DOCK3: variants seen among roughly 807,000 people sequenced by gnomAD.
DOCK3 encodes dedicator of cytokinesis 3, also known as dedicator of cytokinesis protein 3.
In DOCK3, 60 loss-of-function variants were observed where a neutral mutation model predicts 265.6. The observed-to-expected ratio is 0.23, with a 90% CI of 0.18 to 0.28. The LOEUF is 0.28. Among genes scored for constraint, DOCK3 ranks in the 10% least tolerant of loss-of-function variants. The probability of loss-of-function intolerance (pLI) is 1.00; values close to 1 mark genes in which losing one functional copy is unlikely to be tolerated. For missense variants in DOCK3, 1,981 were observed against 2,594.3 expected (o/e 0.76, Z 5.14); for synonymous variants, 881 against 938.0 (o/e 0.94, Z 1.11).
intron 49 of DOCK3, among the ~76,000 whole-genome samples, chr3:51,368,445 CCT>C (rs2087419705): frequency 6.6e-6 from 1 of 152,218 alleles, no homozygotes; most frequent in Non-Finnish European, 1.5e-5. Flanking sequence ...ACCCATGGAG[CCT>C]CTCTCACTGC....
chr3:51,278,741 A>G (rs2080955043), intron 26 of DOCK3, among the ~76,000 whole-genome samples: 1 of 152,184 alleles, frequency 6.6e-6, no homozygotes, highest in Non-Finnish European at 1.5e-5. Flanking sequence ...CTCATTTAGC[A>G]ATACTAAGGA....
chr3:51,055,544 A>G (rs2081164852), intron 5 of DOCK3, among the ~76,000 whole-genome samples: 2 of 152,208 alleles, frequency 1.3e-5, no homozygotes, highest in African/African-American at 2.4e-5. Flanking sequence ...AGAGATGCCT[A>G]TGGACACATC....
At chr3:51,159,763 A>G (rs1172020476) in intron 11 of DOCK3, among the ~76,000 whole-genome samples, 1 of 152,128 alleles carries the variant, frequency 6.6e-6, no homozygotes, top group East Asian at 1.9e-4. Context: ...CAGAAGATGG[A>G]TGACATTTCA....
intron 5 of DOCK3, among the ~76,000 whole-genome samples, chr3:50,995,445 G>A (rs2078246567): frequency 6.6e-6 from 1 of 152,216 alleles, no homozygotes; most frequent in Non-Finnish European, 1.5e-5. Flanking sequence ...GCGATTATTT[G>A]TTGAGCTCCT....
chr3:50,798,180 T>C (rs2042892259), intron 2 of DOCK3, among the ~76,000 whole-genome samples: 1 of 152,170 alleles, frequency 6.6e-6, no homozygotes, highest in South Asian at 2.1e-4. Flanking sequence ...TTAACAATGC[T>C]GGAAAAACCA....
At chr3:51,138,385 C>T (rs1372491346) in intron 9 of DOCK3, among the ~76,000 whole-genome samples, 1 of 151,940 alleles carries the variant, frequency 6.6e-6, no homozygotes, top group East Asian at 1.9e-4. Context: ...TGCCCAAAGG[C>T]CTCTGAAGTG....
In DOCK3 at chr3:50,982,924, G is replaced by A. The variant is rs116470885; in HGVS notation, c.315+48847G>A. Among the ~76,000 whole-genome samples, 1,000 of 152,248 alleles carry A rather than the reference G, an allele frequency of 6.6e-3. 6 individuals carry two copies. The highest frequency in any genetic ancestry group is 0.022 in the African/African-American group (935 of 41,556). ...CCACTTTCCCAGGTGCAGGACCTGGGCATCTCTGCACTCTTGGGCACCTGG... is the reference window on the plus strand; with the variant it reads ...CCACTTTCCCAGGTGCAGGACCTGGACATCTCTGCACTCTTGGGCACCTGG... On this transcript the variant is annotated intron_variant, in intron 5 of 52. Coordinates refer to ENST00000266037, the MANE Select transcript of DOCK3 (RefSeq NM_004947.5).
At chr3:51,162,414 A>C (rs555936405) in intron 12 of DOCK3, among the ~76,000 whole-genome samples, 1 of 152,172 alleles carries the variant, frequency 6.6e-6, no homozygotes, top group African/African-American at 2.4e-5. Context: ...CATAACTTAC[A>C]AAGAAAATTT....
intron 7 of DOCK3, 35 bp from the exon 8 acceptor site, chr3:51,089,208 C>A: frequency 6.3e-7 from 1 of 1,579,710 alleles, no homozygotes; most frequent in Non-Finnish European, 8.6e-7. Flanking sequence ...GTTTCTTTCC[C>A]GGTAGAGTTT....
chr3:51,084,618 G>A (rs544335673), intron 7 of DOCK3, among the ~76,000 whole-genome samples: 19 of 152,216 alleles, frequency 1.2e-4, no homozygotes, highest in South Asian at 4.1e-4. Flanking sequence ...ATCTGGAAGC[G>A]AAAGGACAAT....
intron 47 of DOCK3, 88 bp downstream of exon 47, chr3:51,360,720 A>C: frequency 9.4e-5 from 145 of 1,544,022 alleles, no homozygotes; most frequent in Non-Finnish European, 1.2e-4. Flanking sequence ...ATGTATACTC[A>C]TATTCCCTCT....
intron 1 of DOCK3, among the ~76,000 whole-genome samples, chr3:50,766,540 G>A (rs1269504544): frequency 1.3e-5 from 2 of 152,002 alleles, no homozygotes; most frequent in African/African-American, 4.8e-5. Context: ...CATTTTGGTT[G>A]GTTCCAAGTC....
At chr3:50,828,850 A>T (rs968249650) in intron 2 of DOCK3, among the ~76,000 whole-genome samples, 2 of 152,050 alleles carry the variant, frequency 1.3e-5, no homozygotes, top group Non-Finnish European at 2.9e-5. Flanking sequence ...AGTAGGTGGG[A>T]TTACAGGCAT....
At chr3:50,951,149 A>C (rs373754877) in intron 5 of DOCK3, among the ~76,000 whole-genome samples, 2 of 152,326 alleles carry the variant, frequency 1.3e-5, no homozygotes, top group East Asian at 3.9e-4. Flanking sequence ...TTGTTCTCAC[A>C]GTAACCTTGT....
intron 5 of DOCK3, among the ~76,000 whole-genome samples, chr3:50,992,972 C>A (rs992602809): frequency 1.3e-5 from 2 of 152,108 alleles, no homozygotes; most frequent in African/African-American, 4.8e-5. Flanking sequence ...TTGTACTATG[C>A]CAGTGATGCA....
chr3:51,349,540 G>T (rs1272848216), intron 39 of DOCK3, among the ~76,000 whole-genome samples: 1 of 152,130 alleles, frequency 6.6e-6, no homozygotes, highest in African/African-American at 2.4e-5. Context: ...GATCCAGATT[G>T]GTGTTTGGGC....
At chr3:50,882,649 G>A (rs185719400) in intron 3 of DOCK3, among the ~76,000 whole-genome samples, 2 of 152,226 alleles carry the variant, frequency 1.3e-5, no homozygotes, top group African/African-American at 2.4e-5. Flanking sequence ...AGAAATAGGA[G>A]CACTTTTACA....
intron 22 of DOCK3, among the ~76,000 whole-genome samples, chr3:51,251,836 C>T (rs1371498542): frequency 6.6e-6 from 1 of 152,192 alleles, no homozygotes; most frequent in Non-Finnish European, 1.5e-5. Flanking sequence ...ATGATAGCTT[C>T]TTTTGCTGTG....
intron 1 of DOCK3, among the ~76,000 whole-genome samples, chr3:50,700,227 G>C (rs551005862): frequency 6.6e-6 from 1 of 152,260 alleles, no homozygotes; most frequent in Non-Finnish European, 1.5e-5. Context: ...TGCAATGAGC[G>C]GAGATCGCAC....
Sources: allele counts gnomAD v4.1 joint callset (sites outside exome capture counted in the v4.1 genomes callset), GRCh38; gene constraint gnomAD v4.1.1; transcripts MANE v1.5; gene names NCBI Gene and HGNC (gene_info 2026-07-23, HGNC 2026-07-21).